The following GLIS3 variants were observed in gnomAD, a reference collection of about 807,000 sequenced individuals.
The protein encoded by GLIS3 is GLIS family zinc finger 3, also known as zinc finger protein GLIS3.
GLIS3 carries 53 observed loss-of-function variants against 78.6 expected under a neutral mutation model. That is an observed-to-expected ratio of 0.67 (90% confidence interval 0.54 to 0.85). The LOEUF (loss-of-function observed/expected upper bound fraction) is 0.85. Among genes scored for constraint, GLIS3 ranks in the 40% least tolerant of loss-of-function variants. The probability of loss-of-function intolerance (pLI) is 0.00; values close to 1 mark genes in which losing one functional copy is unlikely to be tolerated. For synonymous variants in GLIS3, 684 were observed against 509.9 expected, an observed-to-expected ratio of 1.34 and a Z score of -4.60; for missense variants, 1,703 against 1,231.1, an observed-to-expected ratio of 1.38 and a Z score of -5.74.
At chr9:4,344,255 C>T (rs1443257986) in intron 2 of GLIS3, among the ~76,000 whole-genome samples, 1 of 152,110 alleles carries the variant, frequency 6.6e-6, no homozygotes. Context: ...CCCACCCCCA[C>T]TACCATTTCA....
chr9:4,117,764 T>G lies in GLIS3; in HGVS notation c.1710+4A>C. 6.2e-7 allele frequency: 1 copy of G among 1,614,152 alleles called. No homozygotes were observed. The highest frequency in any genetic ancestry group is 8.5e-7 in the Non-Finnish European group (1 of 1,180,030). ...AGGTCACCCCTTGCGCTTCGGAAAC[T>G]CACCGTACACTTGTTGGGCTTCTCC... On this transcript the variant is annotated splice_donor_region_variant and intron_variant, in intron 4 of 10. Transcript: ENST00000381971.
At chr9:3,874,824 C>T (rs933583530) in intron 8 of GLIS3, among the ~76,000 whole-genome samples, 6 of 152,100 alleles carry the variant, frequency 3.9e-5, no homozygotes, top group African/African-American at 1.4e-4. Context: ...CTTATATTTA[C>T]ACTTTCTTTT....
At chr9:4,484,116 G>A in the GLIS3 span, among the ~76,000 whole-genome samples, 12 of 152,154 alleles carry the variant, frequency 7.9e-5, no homozygotes, top group African/African-American at 2.9e-4. Context: ...TTGGCCCGCT[G>A]AAATTGCCTT....
chr9:4,154,087 T>C (rs1834878643), intron 2 of GLIS3, among the ~76,000 whole-genome samples: 1 of 152,240 alleles, frequency 6.6e-6, no homozygotes, highest in South Asian at 2.1e-4. Flanking sequence ...TGCACATGAC[T>C]TGAGCTTCCC....
At chr9:4,455,219 G>T in the GLIS3 span, among the ~76,000 whole-genome samples, 1 of 152,162 alleles carries the variant, frequency 6.6e-6, no homozygotes, top group South Asian at 2.1e-4. Context: ...TGCTGACTTT[G>T]GATTGATTTA....
intron 2 of GLIS3, among the ~76,000 whole-genome samples, chr9:4,327,860 C>G (rs1563934246): frequency 6.6e-6 from 1 of 152,202 alleles, no homozygotes; most frequent in Non-Finnish European, 1.5e-5. Context: ...CGATCAGTGA[C>G]CGGTGTAGCA....
intron 8 of GLIS3, among the ~76,000 whole-genome samples, chr9:3,874,178 C>G (rs1401876079): frequency 6.6e-6 from 1 of 152,212 alleles, no homozygotes; most frequent in African/African-American, 2.4e-5. Flanking sequence ...CTTTCAGCCT[C>G]AACCCCCAAA....
At chr9:4,372,375 T>C in the GLIS3 span, among the ~76,000 whole-genome samples, 1 of 152,294 alleles carries the variant, frequency 6.6e-6, no homozygotes, top group South Asian at 2.1e-4. Context: ...TTTGTGGATC[T>C]GGGGTGGTAC....
At chr9:4,212,643 G>A (rs1437009282) in intron 2 of GLIS3, among the ~76,000 whole-genome samples, 1 of 152,126 alleles carries the variant, frequency 6.6e-6, no homozygotes, top group Admixed American at 6.5e-5. Flanking sequence ...GGTCTAAAAG[G>A]CAACTATGGA....
the GLIS3 span, among the ~76,000 whole-genome samples, chr9:4,473,694 C>A: frequency 6.6e-6 from 1 of 151,952 alleles, no homozygotes; most frequent in Non-Finnish European, 1.5e-5. Flanking sequence ...AAGCTTAATA[C>A]CAGGGTGACA....
chr9:4,229,374 G>A (rs1428000540), intron 2 of GLIS3, among the ~76,000 whole-genome samples: 2 of 152,194 alleles, frequency 1.3e-5, no homozygotes, highest in Admixed American at 6.5e-5. Context: ...TGTACATAAA[G>A]AAAGAATTGC....
chr9:4,462,589 T>C, the GLIS3 span, among the ~76,000 whole-genome samples: 1 of 143,542 alleles, frequency 7.0e-6, no homozygotes, highest in Non-Finnish European at 1.5e-5. Flanking sequence ...AGATTCCATC[T>C]CTATAACACA....
the GLIS3 span, among the ~76,000 whole-genome samples, chr9:4,404,656 G>C: frequency 8.6e-5 from 13 of 151,906 alleles, no homozygotes; most frequent in African/African-American, 2.7e-4. Context: ...AAAACTGAAA[G>C]ATTTCTTGAA....
At chr9:4,447,652 T>C in the GLIS3 span, among the ~76,000 whole-genome samples, 1 of 152,242 alleles carries the variant, frequency 6.6e-6, no homozygotes, top group African/African-American at 2.4e-5. Flanking sequence ...GCTTCTAGAC[T>C]GACCTTTGCC....
chr9:4,005,900 C>T (rs1453268738), intron 4 of GLIS3, among the ~76,000 whole-genome samples: 2 of 152,176 alleles, frequency 1.3e-5, no homozygotes, highest in East Asian at 3.8e-4. Flanking sequence ...TCCTTCCCTT[C>T]AGTTGTCTGT....
At chr9:4,073,216 T>A (rs1827765266) in intron 4 of GLIS3, among the ~76,000 whole-genome samples, 1 of 152,158 alleles carries the variant, frequency 6.6e-6, no homozygotes, top group African/African-American at 2.4e-5. Flanking sequence ...TCTACAAGCA[T>A]GATCGCTACA....
At chr9:3,851,360 A>T (rs116264083) in intron 9 of GLIS3, among the ~76,000 whole-genome samples, 13 of 152,340 alleles carry the variant, frequency 8.5e-5, no homozygotes, top group African/African-American at 3.1e-4. Flanking sequence ...AAAGGACTAA[A>T]GTGCACTAAG....
chr9:4,466,553 T>C, the GLIS3 span, among the ~76,000 whole-genome samples: 2 of 152,150 alleles, frequency 1.3e-5, no homozygotes, highest in African/African-American at 4.8e-5. Context: ...TGTTAGCAAA[T>C]TTAATCTAAC....
At chr9:4,122,279 A>G (rs930289528) in intron 3 of GLIS3, among the ~76,000 whole-genome samples, 1 of 152,178 alleles carries the variant, frequency 6.6e-6, no homozygotes. Flanking sequence ...TATATTCCCT[A>G]TATATGTAGA....
Sources: gnomAD v4.1 joint callset for allele counts (sites outside exome capture counted in the v4.1 genomes callset) on GRCh38, gnomAD v4.1.1 for gene constraint, MANE v1.5 for transcripts, NCBI Gene and HGNC (gene_info 2026-07-23, HGNC 2026-07-21) for gene names.